The following PAK1 variants were observed in gnomAD, a reference collection of about 807,000 sequenced individuals.
PAK1 encodes serine/threonine-protein kinase PAK 1.
In PAK1, 29 loss-of-function variants were observed where a neutral mutation model predicts 67.4. The observed-to-expected ratio is 0.43, with a 90% CI of 0.32 to 0.59. The LOEUF (loss-of-function observed/expected upper bound fraction) is 0.59. Among genes scored for constraint, PAK1 ranks in the 20% least tolerant of loss-of-function variants. The pLI is 0.07. For synonymous variants in PAK1, 223 were observed against 237.4 expected (o/e 0.94, Z 0.56); for missense variants, 337 against 670.7 (o/e 0.50, Z 5.50).
chr11:77,385,772 T>C (rs1315526601), intron 2 of PAK1, among the ~76,000 whole-genome samples: 1 of 152,024 alleles, frequency 6.6e-6, no homozygotes, highest in Non-Finnish European at 1.5e-5. Context: ...CAGGGAGAAT[T>C]GCTTGAACCC....
intron 1 of PAK1, among the ~76,000 whole-genome samples, chr11:77,457,186 C>T (rs1957120188): frequency 6.6e-6 from 1 of 152,200 alleles, no homozygotes; most frequent in Non-Finnish European, 1.5e-5. Context: ...ATTTTAACAG[C>T]TACACAATAC....
intron 11 of PAK1, among the ~76,000 whole-genome samples, chr11:77,340,005 T>C (rs113535052): frequency 0.031 from 4,733 of 152,308 alleles, 128 homozygotes; most frequent in African/African-American, 0.076. Flanking sequence ...CTGTCCAGGC[T>C]TTCTGGAGGG....
chr11:77,442,001 G>A (rs1956376989), intron 1 of PAK1, among the ~76,000 whole-genome samples: 1 of 152,152 alleles, frequency 6.6e-6, no homozygotes, highest in East Asian at 1.9e-4. Context: ...GTAGAAAAAT[G>A]AGACCCAGAA....
chr11:77,470,491 GAAGGACTCAT>G (rs1174772782), intron 1 of PAK1, among the ~76,000 whole-genome samples: 1 of 152,170 alleles, frequency 6.6e-6, no homozygotes, highest in East Asian at 1.9e-4. Flanking sequence ...ACATGGTGGA[GAAGGACTCAT>G]AATTTTATAG....
chr11:77,422,546 C>T (rs1955323929), intron 1 of PAK1, among the ~76,000 whole-genome samples: 3 of 126,024 alleles, frequency 2.4e-5, no homozygotes, highest in Admixed American at 2.2e-4. Flanking sequence ...CAGAGGGAGA[C>T]ACCGTCTCAA....
In PAK1 at chr11:77,322,065, G is replaced by T. The variant is rs760805717; in HGVS notation, c.*1209C>A. The T allele has an allele frequency of 4.6e-6, 1 of 216,014 alleles. No individual in the cohort carries two copies. The highest frequency in any genetic ancestry group is 9.4e-6 in the Non-Finnish European group (1 of 106,874). 13.4% of individuals were successfully genotyped at this position (216,014 alleles called of 1,614,324 possible). A position where few individuals can be genotyped will look rare whatever the true frequency, so the allele number is the denominator to read the frequency against. On this transcript the variant is annotated 3_prime_UTR_variant, in exon 15 of 15. Coordinates refer to ENST00000356341, the MANE Select transcript of PAK1 (RefSeq NM_002576.5). ...GACAGAAATAGAAATTTGTGCTGCA[G>T]AGGCAGTAGTACCTCAGAGCATGAG...
chr11:77,332,481 T>C (rs1285122343), intron 14 of PAK1, among the ~76,000 whole-genome samples: 1 of 149,938 alleles, frequency 6.7e-6, no homozygotes, highest in Non-Finnish European at 1.5e-5. Flanking sequence ...CAAAGCTCAA[T>C]AGGTGCTCAG....
chr11:77,517,724 A>G, the PAK1 span, among the ~76,000 whole-genome samples: 1 of 152,206 alleles, frequency 6.6e-6, no homozygotes, highest in Non-Finnish European at 1.5e-5. Flanking sequence ...ATAATTATAC[A>G]ACTCACCATA....
chr11:77,520,240 G>A, the PAK1 span, among the ~76,000 whole-genome samples: 1 of 152,156 alleles, frequency 6.6e-6, no homozygotes, highest in Non-Finnish European at 1.5e-5. Flanking sequence ...CAAGGATAAG[G>A]ATAAGGATGA....
intron 5 of PAK1, among the ~76,000 whole-genome samples, chr11:77,366,372 A>G (rs1300063386): frequency 6.6e-6 from 1 of 152,252 alleles, no homozygotes; most frequent in African/African-American, 2.4e-5. Context: ...ACATAATTGT[A>G]TAAAGCAATT....
intron 5 of PAK1, among the ~76,000 whole-genome samples, chr11:77,359,912 T>C (rs1946553871): frequency 6.6e-6 from 1 of 152,178 alleles, no homozygotes; most frequent in Non-Finnish European, 1.5e-5. Flanking sequence ...TTTTAATATA[T>C]ACTGATATAA....
At chr11:77,363,749 A>G (rs1947113367) in intron 5 of PAK1, among the ~76,000 whole-genome samples, 1 of 152,218 alleles carries the variant, frequency 6.6e-6, no homozygotes, top group Non-Finnish European at 1.5e-5. Flanking sequence ...CCAACAAGCA[A>G]CTATAAATCT....
At chr11:77,490,295 C>CCCGCTCCCCGG in the PAK1 span, among the ~76,000 whole-genome samples, 5 of 148,034 alleles carry the variant, frequency 3.4e-5, no homozygotes, top group Admixed American at 3.3e-4. Context: ...GGTCAGCCCC[C>CCCGCTCCCCGG]CCACCCGGCC....
At chr11:77,528,356 A>G in the PAK1 span, among the ~76,000 whole-genome samples, 113 of 150,438 alleles carry the variant, frequency 7.5e-4, no homozygotes, top group African/African-American at 2.6e-3. Context: ...TGTGTTACAT[A>G]TGTCTCTTTT....
chr11:77,412,096 A>G (rs1334201344), intron 1 of PAK1: 1 of 152,030 alleles, frequency 6.6e-6, no homozygotes, highest in Non-Finnish European at 1.5e-5. Context: ...CTATCTTCCC[A>G]CCCTCTCAGC....
At chr11:77,395,234 G>A (rs142453925) in intron 1 of PAK1, among the ~76,000 whole-genome samples, 3 of 152,186 alleles carry the variant, frequency 2.0e-5, no homozygotes, top group African/African-American at 7.2e-5. Flanking sequence ...AAAGCAATGG[G>A]TAACTTTCCA....
chr11:77,364,322 TAC>T (rs1249737682), intron 5 of PAK1, among the ~76,000 whole-genome samples: 1 of 152,186 alleles, frequency 6.6e-6, no homozygotes, highest in Non-Finnish European at 1.5e-5. Flanking sequence ...AAAGAAGCCT[TAC>T]AGAGTTGAAG....
intron 1 of PAK1, among the ~76,000 whole-genome samples, chr11:77,437,512 A>T (rs1449737778): frequency 1.3e-5 from 2 of 152,188 alleles, no homozygotes; most frequent in East Asian, 3.9e-4. Context: ...AATACAGACC[A>T]CTGGTTCTCA....
intron 1 of PAK1, among the ~76,000 whole-genome samples, chr11:77,397,886 T>C (rs538231653): frequency 6.6e-6 from 1 of 152,272 alleles, no homozygotes; most frequent in Non-Finnish European, 1.5e-5. Context: ...ACACAGCAAT[T>C]TATAGGTAGA....
Sources: allele counts gnomAD v4.1 joint callset (sites outside exome capture counted in the v4.1 genomes callset), GRCh38; gene constraint gnomAD v4.1.1; transcripts MANE v1.5; gene names NCBI Gene and HGNC (gene_info 2026-07-23, HGNC 2026-07-21).